RALYL: variants seen among roughly 807,000 people sequenced by gnomAD.
The protein encoded by RALYL is RNA-binding Raly-like protein.
Under a neutral mutation model 35.1 loss-of-function variants are expected in RALYL, and 29 were observed. The observed-to-expected ratio is 0.83, with a 90% CI of 0.61 to 1.13. The LOEUF (loss-of-function observed/expected upper bound fraction) is 1.13, where lower values mean the gene tolerates loss of function less well. Among genes scored for constraint, RALYL ranks in the 50% most tolerant of loss-of-function variants. The pLI is 0.00. For missense variants in RALYL, 359 were observed against 360.4 expected (o/e 1.00, Z 0.03); for synonymous variants, 120 against 127.6 (o/e 0.94, Z 0.40).
intron 1 of RALYL, among the ~76,000 whole-genome samples, chr8:84,193,261 G>T (rs185955361): frequency 2.6e-5 from 4 of 152,254 alleles, no homozygotes; most frequent in African/African-American, 7.2e-5. Flanking sequence ...AGGAAAATAT[G>T]AATGCATCTT....
At chr8:84,523,721 T>C (rs895469612) in intron 1 of RALYL, among the ~76,000 whole-genome samples, 30 of 140,064 alleles carry the variant, frequency 2.1e-4, no homozygotes, top group Non-Finnish European at 3.6e-4. Context: ...TGTGTCCATG[T>C]GATCTCATTG....
chr8:84,592,464 A>C (rs972553795), intron 2 of RALYL, among the ~76,000 whole-genome samples: 2 of 152,172 alleles, frequency 1.3e-5, no homozygotes, highest in African/African-American at 4.8e-5. Context: ...TATATAAGAT[A>C]TCCAAAATAT....
chr8:84,727,229 AT>A (rs559440395), intron 2 of RALYL, among the ~76,000 whole-genome samples: 10,146 of 152,080 alleles, frequency 0.067, 773 homozygotes, highest in African/African-American at 0.19. Flanking sequence ...AATGTTGGGC[AT>A]CTCTTAAGAT....
At chr8:84,785,399 T>C (rs937043299) in intron 3 of RALYL, among the ~76,000 whole-genome samples, 1 of 152,174 alleles carries the variant, frequency 6.6e-6, no homozygotes. Flanking sequence ...CATTTTCTCA[T>C]AGTAAAATGA....
chr8:84,916,989 T>C (rs1202855241), intron 8 of RALYL, among the ~76,000 whole-genome samples: 5 of 152,016 alleles, frequency 3.3e-5, no homozygotes, highest in Non-Finnish European at 7.3e-5. Context: ...TATGATTGTT[T>C]CATAGTATTG....
intron 1 of RALYL, among the ~76,000 whole-genome samples, chr8:84,428,100 TCTCTCTCACACACA>T (rs1367981540): frequency 8.9e-5 from 12 of 134,790 alleles, no homozygotes; most frequent in African/African-American, 3.5e-4. Flanking sequence ...TCTCTCTCTC[TCTCTCTCACACACA>T]CACACACACA....
intron 2 of RALYL, among the ~76,000 whole-genome samples, chr8:84,603,308 ATTG>A (rs1188318327): frequency 2.6e-5 from 4 of 152,112 alleles, no homozygotes; most frequent in East Asian, 1.9e-4. Flanking sequence ...TGCTATTATT[ATTG>A]TTGTTATTAT....
At chr8:84,696,368 T>C (rs1240693516) in intron 2 of RALYL, among the ~76,000 whole-genome samples, 2 of 151,944 alleles carry the variant, frequency 1.3e-5, no homozygotes, top group African/African-American at 4.8e-5. Context: ...TTTTTCCTCA[T>C]CGAATCAAGA....
chr8:84,268,179 C>CT (rs1452499044), intron 1 of RALYL, among the ~76,000 whole-genome samples: 1 of 152,136 alleles, frequency 6.6e-6, no homozygotes, highest in Non-Finnish European at 1.5e-5. Context: ...TAGGTTACAT[C>CT]TTTTTTAGCA....
chr8:84,688,351 C>CG (rs1183259172), intron 2 of RALYL, among the ~76,000 whole-genome samples: 11 of 151,978 alleles, frequency 7.2e-5, no homozygotes, highest in Admixed American at 2.0e-4. Flanking sequence ...TTGTAGTAAT[C>CG]GAAACAGCCT....
chr8:84,368,364 A>T (rs1308195929), intron 1 of RALYL, among the ~76,000 whole-genome samples: 1 of 152,180 alleles, frequency 6.6e-6, no homozygotes, highest in Non-Finnish European at 1.5e-5. Context: ...TGATGCACAA[A>T]ATTATATCTA....
At chr8:84,243,691 T>A (rs1430692098) in intron 1 of RALYL, among the ~76,000 whole-genome samples, 1 of 152,104 alleles carries the variant, frequency 6.6e-6, no homozygotes, top group Admixed American at 6.6e-5. Context: ...TTTATTCATG[T>A]TTTAATTTGC....
At chr8:84,541,190 T>G (rs1267789623) in intron 2 of RALYL, among the ~76,000 whole-genome samples, 1 of 151,900 alleles carries the variant, frequency 6.6e-6, no homozygotes, top group East Asian at 1.9e-4. Flanking sequence ...AATGAAGACA[T>G]AGATCATTGA....
intron 2 of RALYL, among the ~76,000 whole-genome samples, chr8:84,733,082 T>G: frequency 6.6e-6 from 1 of 152,116 alleles, no homozygotes; most frequent in East Asian, 1.9e-4. Context: ...GGGAAAGTCA[T>G]AGTGACCGAT....
At chr8:84,558,642 G>GTTT (rs1362676382) in intron 2 of RALYL, among the ~76,000 whole-genome samples, 1 of 151,846 alleles carries the variant, frequency 6.6e-6, no homozygotes, top group Non-Finnish European at 1.5e-5. Context: ...AATTATGAGG[G>GTTT]TTTTTTTCTG....
chr8:84,563,924 G>A (rs1211215866), intron 2 of RALYL, among the ~76,000 whole-genome samples: 1 of 151,638 alleles, frequency 6.6e-6, no homozygotes, highest in African/African-American at 2.4e-5. Context: ...TTTCTAGAAT[G>A]TTGCATTTAT....
At chr8:84,820,363 A>C (rs1828258506) in intron 4 of RALYL, among the ~76,000 whole-genome samples, 1 of 152,188 alleles carries the variant, frequency 6.6e-6, no homozygotes, top group Non-Finnish European at 1.5e-5. Flanking sequence ...TGAATCAGTA[A>C]ACTTGACATG....
intron 1 of RALYL, among the ~76,000 whole-genome samples, chr8:84,504,464 T>G (rs711036): frequency 0.96 from 146,076 of 152,188 alleles, 70,147 homozygotes; most frequent in East Asian, 1. Flanking sequence ...ACCCTATAAT[T>G]ACTTTTGATA....
At chr8:84,497,945 G>A (rs1314407115) in intron 1 of RALYL, among the ~76,000 whole-genome samples, 4 of 117,578 alleles carry the variant, frequency 3.4e-5, no homozygotes, top group African/African-American at 3.3e-5. Context: ...CCAGCCTAAG[G>A]TTGCTTTTTA....
Sources: gnomAD v4.1 joint callset for allele counts (sites outside exome capture counted in the v4.1 genomes callset) on GRCh38, gnomAD v4.1.1 for gene constraint, MANE v1.5 for transcripts, NCBI Gene and HGNC (gene_info 2026-07-23, HGNC 2026-07-21) for gene names.